WLS: variants seen among roughly 807,000 people sequenced by gnomAD.
The protein encoded by WLS is Wnt ligand secretion mediator, also known as protein wntless homolog.
Under a neutral mutation model 62.8 loss-of-function variants are expected in WLS, and 23 were observed. The observed-to-expected ratio is 0.37, with a 90% CI of 0.26 to 0.52. WLS has a LOEUF of 0.52. Among genes scored for constraint, WLS ranks in the 20% least tolerant of loss-of-function variants. The pLI is 0.92. For missense variants in WLS, 615 were observed against 697.3 expected (o/e 0.88, Z 1.33); for synonymous variants, 246 against 244.1 (o/e 1.01, Z -0.07).
At chr1:68,171,911 C>A (rs113937272) in intron 2 of WLS, among the ~76,000 whole-genome samples, 2,482 of 152,254 alleles carry the variant, frequency 0.016, 59 homozygotes, top group African/African-American at 0.057. Context: ...TTGGAACCAA[C>A]TCAAATGCCC....
chr1:68,157,709 C>T (rs185028426), intron 3 of WLS, among the ~76,000 whole-genome samples: 22 of 152,122 alleles, frequency 1.4e-4, no homozygotes, highest in Admixed American at 2.6e-4. Context: ...TCATTTCCTT[C>T]GCACTTTTCA....
At chr1:68,218,397 A>T (rs2100657225) in intron 1 of WLS, among the ~76,000 whole-genome samples, 1 of 152,326 alleles carries the variant, frequency 6.6e-6, no homozygotes. Context: ...AACTGGAATC[A>T]TCTATATTTC....
intron 11 of WLS, among the ~76,000 whole-genome samples, chr1:68,131,062 T>G (rs921124467): frequency 3.4e-5 from 5 of 146,068 alleles, no homozygotes; most frequent in African/African-American, 1.0e-4. Context: ...CCAGCTAATT[T>G]TGTGTGTGTG....
intron 1 of WLS, among the ~76,000 whole-genome samples, chr1:68,214,395 C>T (rs183498494): frequency 4.0e-5 from 6 of 151,566 alleles, no homozygotes; most frequent in East Asian, 1.9e-4. Flanking sequence ...GATGGAGTCT[C>T]GCACTGTCAC....
intron 2 of WLS, among the ~76,000 whole-genome samples, chr1:68,169,063 C>T (rs1373226189): frequency 6.6e-6 from 1 of 152,334 alleles, no homozygotes; most frequent in East Asian, 1.9e-4. Context: ...CATTGCTTCT[C>T]GTCTTTCCTC....
chr1:68,178,696 A>G (rs1647372144), intron 2 of WLS, among the ~76,000 whole-genome samples: 1 of 133,930 alleles, frequency 7.5e-6, no homozygotes, highest in South Asian at 2.4e-4. Flanking sequence ...ACAGATCGAG[A>G]CTACATTTCA....
At chr1:68,213,860 G>A (rs191442673) in intron 1 of WLS, among the ~76,000 whole-genome samples, 3 of 152,256 alleles carry the variant, frequency 2.0e-5, no homozygotes, top group South Asian at 2.1e-4. Context: ...TTGTAGCAAC[G>A]TGTGCTGCTC....
intron 1 of WLS, among the ~76,000 whole-genome samples, chr1:68,221,193 T>C (rs1225057082): frequency 6.6e-6 from 1 of 152,236 alleles, no homozygotes; most frequent in African/African-American, 2.4e-5. Context: ...CAAAGAATAG[T>C]GCCAGGGATT....
At chr1:68,175,753 C>T (rs1570952292) in intron 2 of WLS, among the ~76,000 whole-genome samples, 1 of 152,132 alleles carries the variant, frequency 6.6e-6, no homozygotes, top group East Asian at 1.9e-4. Context: ...TTAACAAATA[C>T]AAAAATACCA....
intron 3 of WLS, among the ~76,000 whole-genome samples, chr1:68,156,545 G>C (rs759752088): frequency 6.6e-6 from 1 of 152,124 alleles, no homozygotes; most frequent in Non-Finnish European, 1.5e-5. Flanking sequence ...ACACGGCAAG[G>C]TAGAGGTGGG....
chr1:68,161,968 G>C lies in WLS; in HGVS notation c.380-2721C>G. ...GGCACCATTGAGCTCAGGATGAATTGCTTGCTGGTCTATTACTGACCAAGG... is the reference window on the plus strand; with the variant it reads ...GGCACCATTGAGCTCAGGATGAATTCCTTGCTGGTCTATTACTGACCAAGG... On this transcript the variant is annotated intron_variant, in intron 2 of 11. Transcript: ENST00000262348. The C allele has an allele frequency of 6.2e-6, 10 of 1,608,736 alleles. No individual in the cohort carries two copies. The Admixed American group carries it at 1.7e-4, about 27-fold the overall frequency.
At chr1:68,225,929 T>C (rs1391914516) in intron 1 of WLS, among the ~76,000 whole-genome samples, 1 of 152,212 alleles carries the variant, frequency 6.6e-6, no homozygotes, top group African/African-American at 2.4e-5. Context: ...AAACATTTGA[T>C]GGTTAACTTG....
chr1:68,220,434 TCA>T (rs1225852791), intron 1 of WLS, among the ~76,000 whole-genome samples: 3 of 152,244 alleles, frequency 2.0e-5, no homozygotes, highest in African/African-American at 7.2e-5. Flanking sequence ...ACTCGTTCTC[TCA>T]TTTAAATCCC....
At chr1:68,205,025 G>A (rs539236331) in intron 1 of WLS, among the ~76,000 whole-genome samples, 1 of 152,144 alleles carries the variant, frequency 6.6e-6, no homozygotes, top group South Asian at 2.1e-4. Context: ...ATTAATGTAA[G>A]TTATGCTCAA....
chr1:68,201,413 A>T (rs1377002763), intron 1 of WLS, among the ~76,000 whole-genome samples: 1 of 152,260 alleles, frequency 6.6e-6, no homozygotes, highest in Admixed American at 6.5e-5. Context: ...CTCTGAAGTT[A>T]TAGTAGACAC....
At chr1:68,175,712 G>C (rs562726703) in intron 2 of WLS, among the ~76,000 whole-genome samples, 18 of 152,216 alleles carry the variant, frequency 1.2e-4, no homozygotes, top group Non-Finnish European at 2.5e-4. Context: ...AGGATAACAA[G>C]TTGAGTTTGA....
chr1:68,181,384 A>C (rs1221361846), intron 2 of WLS, among the ~76,000 whole-genome samples: 2 of 152,256 alleles, frequency 1.3e-5, no homozygotes, highest in Admixed American at 6.5e-5. Context: ...TGCAAAGAGA[A>C]TATCCTCATT....
At chr1:68,196,612 G>A (rs72938560) in intron 1 of WLS, among the ~76,000 whole-genome samples, 2,494 of 152,120 alleles carry the variant, frequency 0.016, 64 homozygotes, top group African/African-American at 0.057. Context: ...CTATTTTAAT[G>A]ATACATTTTT....
Position 68,137,800 on chromosome 1 carries a change from T to C in WLS, c.1496A>G (p.Tyr499Cys), listed in dbSNP as rs367885134. 1.3e-4 allele frequency: 208 copies of C among 1,613,840 alleles called. No homozygotes were observed. Among genetic ancestry groups the C allele is most frequent in the South Asian group, 3.0e-4 (27 of 91,046 alleles). The change falls in exon 11 of 12, where the codon TAT (tyrosine) becomes TGT (cysteine). Residue 499 changes from tyrosine to cysteine, a missense_variant. Physicochemically the swap from Tyr to Cys is radical, Grantham distance 194. Coordinates refer to ENST00000262348, the MANE Select transcript of WLS (RefSeq NM_024911.7). ...CTCACCATTGGACTGGTCTTCTCCA[T>C]AGTTTTTATGGGATGGTGCATACAA... ...MFLYAPSHKNYGEDQSNGDLG... is the reference protein window; with the variant it reads ...MFLYAPSHKNCGEDQSNGDLG...
Sources: allele counts gnomAD v4.1 joint callset (sites outside exome capture counted in the v4.1 genomes callset), GRCh38; gene constraint gnomAD v4.1.1; transcripts MANE v1.5; gene names NCBI Gene and HGNC (gene_info 2026-07-23, HGNC 2026-07-21).